CTNNA3: variants seen among roughly 807,000 people sequenced by gnomAD.
CTNNA3 encodes the protein catenin alpha-3.
Under a neutral mutation model 95.7 loss-of-function variants are expected in CTNNA3, and 76 were observed. The ratio of observed to expected loss-of-function variants is 0.79; its 90% CI spans 0.66 to 0.96. CTNNA3 has a LOEUF of 0.96. CTNNA3 is among the 40% of genes least tolerant of loss of function. The pLI, the probability that CTNNA3 is intolerant of heterozygous loss-of-function variation, is 0.00. For synonymous variants in CTNNA3, 431 were observed against 374.4 expected (o/e 1.15, Z -1.74); for missense variants, 1,191 against 1,089.8 (o/e 1.09, Z -1.31).
chr10:66,584,298 T>G (rs1398440325), intron 10 of CTNNA3, among the ~76,000 whole-genome samples: 2 of 151,948 alleles, frequency 1.3e-5, no homozygotes, highest in Admixed American at 6.6e-5. Flanking sequence ...CCCACTATTA[T>G]TGTGTTACTA....
At chr10:67,061,857 C>T (rs1436763298) in intron 7 of CTNNA3, among the ~76,000 whole-genome samples, 1 of 152,124 alleles carries the variant, frequency 6.6e-6, no homozygotes, top group Non-Finnish European at 1.5e-5. Flanking sequence ...TTTAACATTA[C>T]TGATAAAGAA....
intron 7 of CTNNA3, among the ~76,000 whole-genome samples, chr10:66,913,270 A>C (rs1846316637): frequency 6.7e-6 from 1 of 150,192 alleles, no homozygotes; most frequent in Non-Finnish European, 1.5e-5. Flanking sequence ...AAAAAAGAAA[A>C]AGAAAAAAGA....
intron 9 of CTNNA3, among the ~76,000 whole-genome samples, chr10:66,644,868 T>C (rs1289537938): frequency 6.6e-6 from 1 of 152,130 alleles, no homozygotes; most frequent in Non-Finnish European, 1.5e-5. Flanking sequence ...AGAGTATTCA[T>C]GTTGCCTTTT....
At chr10:66,324,657 C>T (rs1385292711) in intron 12 of CTNNA3, among the ~76,000 whole-genome samples, 1 of 152,098 alleles carries the variant, frequency 6.6e-6, no homozygotes, top group Non-Finnish European at 1.5e-5. Context: ...GGCAACTGAA[C>T]AAGTGAGCCA....
intron 7 of CTNNA3, among the ~76,000 whole-genome samples, chr10:66,809,063 C>T (rs533789297): frequency 2.0e-5 from 3 of 152,232 alleles, no homozygotes; most frequent in Admixed American, 6.5e-5. Context: ...CTCTCAGTGT[C>T]GTTATCATTT....
intron 7 of CTNNA3, among the ~76,000 whole-genome samples, chr10:67,141,959 T>C (rs1860589029): frequency 6.6e-6 from 1 of 152,112 alleles, no homozygotes; most frequent in Non-Finnish European, 1.5e-5. Flanking sequence ...GTATAAAATA[T>C]ACCAAAATGA....
Position 66,409,981 on chromosome 10 carries a change from G to A in CTNNA3, c.1532-30629C>T, listed in dbSNP as rs920392751. ...CCAATTCTCTCTCCCTACCAGTTGC[G>A]TTTTCTACTCCTTCAGTGGCCTGGC... is the stretch of plus-strand genomic sequence containing the variant. On this transcript the variant is annotated intron_variant, in intron 11 of 17. Transcript: ENST00000433211. Among the ~76,000 whole-genome samples the A allele has an allele frequency of 1.5e-4, 23 of 152,232 alleles. No homozygotes were observed. The East Asian group carries it at 2.1e-3, about 14-fold the overall frequency.
intron 7 of CTNNA3, among the ~76,000 whole-genome samples, chr10:66,879,726 G>C (rs1271479714): frequency 6.6e-6 from 1 of 152,050 alleles, no homozygotes; most frequent in Non-Finnish European, 1.5e-5. Flanking sequence ...CTTGTACTGG[G>C]AACACTCAGG....
intron 3 of CTNNA3, among the ~76,000 whole-genome samples, chr10:67,553,718 T>G (rs1841116406): frequency 6.6e-6 from 1 of 152,036 alleles, no homozygotes. Context: ...TAGAAATGAA[T>G]TATATTTTGA....
intron 1 of CTNNA3, among the ~76,000 whole-genome samples, chr10:67,728,333 A>G (rs191574201): frequency 2.1e-4 from 32 of 149,236 alleles, no homozygotes; most frequent in African/African-American, 6.8e-4. Context: ...GGTACCTGTA[A>G]TCACAGCTAC....
chr10:66,710,462 C>T (rs927796612), intron 9 of CTNNA3, among the ~76,000 whole-genome samples: 9 of 151,892 alleles, frequency 5.9e-5, no homozygotes, highest in African/African-American at 2.2e-4. Context: ...TAATGATATG[C>T]TCCACTGCTA....
In CTNNA3 at chr10:67,743,933, T is replaced by C. The variant is rs552386007; in HGVS notation, c.-2+19501A>G. Among the ~76,000 whole-genome samples, 203 of 151,174 alleles carry C rather than the reference T, an allele frequency of 1.3e-3. 2 individuals are homozygous for C. The highest frequency in any genetic ancestry group is 4.8e-3 in the African/African-American group (199 of 41,348). ...TCAAAGAGAATAAAATACCTAGGAA[T>C]CCAACTTACAAGGGATGTGAAAGAC... On this transcript the variant is annotated intron_variant, in intron 1 of 17. Coordinates refer to the CTNNA3 transcript ENST00000684154.
At chr10:67,685,421 A>T (rs1331730051) in intron 1 of CTNNA3, among the ~76,000 whole-genome samples, 1 of 152,216 alleles carries the variant, frequency 6.6e-6, no homozygotes, top group East Asian at 1.9e-4. Flanking sequence ...CTTACTGAAC[A>T]CCCATTGTCT....
intron 2 of CTNNA3, among the ~76,000 whole-genome samples, chr10:67,632,421 C>T (rs1205944319): frequency 6.6e-6 from 1 of 152,032 alleles, no homozygotes; most frequent in African/African-American, 2.4e-5. Flanking sequence ...GAAGCAGCTG[C>T]GGTCTGCGCA....
intron 7 of CTNNA3, among the ~76,000 whole-genome samples, chr10:67,157,946 C>CA (rs1379823076): frequency 1.3e-5 from 2 of 151,972 alleles, no homozygotes; most frequent in African/African-American, 2.4e-5. Flanking sequence ...AACAGTACCA[C>CA]AAAAAAAGCA....
chr10:66,379,384 G>A lies in CTNNA3; in HGVS notation c.1532-32C>T, dbSNP rs12761828. On this transcript the variant is annotated intron_variant, in intron 11 of 17. Coordinates refer to ENST00000433211, the MANE Select transcript of CTNNA3 (RefSeq NM_013266.4). Reference sequence around the variant, plus strand: ...GTAAATGAATCAAATTAGTTTTTGCGTGTGTCTGTGTTTAAAATCATACAA... The same window carrying A: ...GTAAATGAATCAAATTAGTTTTTGCATGTGTCTGTGTTTAAAATCATACAA... 261,261 of 1,546,898 alleles carry A rather than the reference G, an allele frequency of 0.17. 23,677 individuals carry two copies. The highest frequency in any genetic ancestry group is 0.25 in the Middle Eastern group (1,491 of 5,852).
intron 7 of CTNNA3, among the ~76,000 whole-genome samples, chr10:67,152,496 C>T (rs1861128569): frequency 6.6e-6 from 1 of 151,998 alleles, no homozygotes; most frequent in Admixed American, 6.6e-5. Flanking sequence ...TTTCATAATG[C>T]AATTAGATGA....
intron 1 of CTNNA3, chr10:67,750,152 A>G: frequency 1.1e-6 from 1 of 890,114 alleles, no homozygotes; most frequent in Non-Finnish European, 1.8e-6. Flanking sequence ...AAGAGCTGTA[A>G]CAGTTACCAC....
At chr10:66,290,162 G>A (rs757449504) in intron 12 of CTNNA3, among the ~76,000 whole-genome samples, 1 of 151,978 alleles carries the variant, frequency 6.6e-6, no homozygotes, top group South Asian at 2.1e-4. Context: ...AAGAGAAGTA[G>A]AGATTTATTT....
Sources: gnomAD v4.1 joint callset for allele counts (sites outside exome capture counted in the v4.1 genomes callset) on GRCh38, gnomAD v4.1.1 for gene constraint, MANE v1.5 for transcripts, NCBI Gene and HGNC (gene_info 2026-07-23, HGNC 2026-07-21) for gene names.